Variants in SV2C observed in about 807,000 individuals in gnomAD.
The protein encoded by SV2C is solute carrier family 22 member B3.
Under a neutral mutation model 79.7 loss-of-function variants are expected in SV2C, and 49 were observed. The ratio of observed to expected loss-of-function variants is 0.61; its 90% CI spans 0.49 to 0.78. The LOEUF is 0.78. SV2C is among the 30% of genes least tolerant of loss of function. The pLI, the probability that SV2C is intolerant of heterozygous loss-of-function variation, is 0.00. For synonymous variants in SV2C, 334 were observed against 333.2 expected (o/e 1.00, Z -0.03); for missense variants, 833 against 912.9 (o/e 0.91, Z 1.13).
chr5:76,063,947 C>A, the SV2C span, among the ~76,000 whole-genome samples: 1 of 152,008 alleles, frequency 6.6e-6, no homozygotes, highest in Non-Finnish European at 1.5e-5. Context: ...CAGATGTACC[C>A]TGGATGCCTA....
chr5:76,202,188 G>GT (rs35329167), intron 3 of SV2C, among the ~76,000 whole-genome samples: 25,030 of 151,954 alleles, frequency 0.16, 2,209 homozygotes, highest in Non-Finnish European at 0.19. Flanking sequence ...GAAAAATGCA[G>GT]TCATTTAAAA....
chr5:76,227,297 G>C (rs906714951), intron 4 of SV2C, among the ~76,000 whole-genome samples: 1 of 152,192 alleles, frequency 6.6e-6, no homozygotes, highest in Admixed American at 6.5e-5. Context: ...TATGTGGTCT[G>C]TGCTCGAGGA....
At chr5:76,054,404 T>G in the SV2C span, among the ~76,000 whole-genome samples, 4 of 152,226 alleles carry the variant, frequency 2.6e-5, no homozygotes, top group Admixed American at 1.3e-4. Flanking sequence ...TGATGGGCAT[T>G]TGAGTTGTTT....
At chr5:76,199,250 C>T (rs1397378836) in intron 3 of SV2C, among the ~76,000 whole-genome samples, 3 of 152,132 alleles carry the variant, frequency 2.0e-5, no homozygotes, top group African/African-American at 7.2e-5. Context: ...AAACAACTCC[C>T]TCCAACCATA....
intron 4 of SV2C, among the ~76,000 whole-genome samples, chr5:76,265,065 C>T (rs1746608067): frequency 6.6e-6 from 1 of 152,208 alleles, no homozygotes; most frequent in East Asian, 1.9e-4. Flanking sequence ...TGCCCTTTCC[C>T]CCAGGTGCTC....
intron 4 of SV2C, among the ~76,000 whole-genome samples, chr5:76,212,433 G>A (rs1744792053): frequency 6.6e-6 from 1 of 151,802 alleles, no homozygotes; most frequent in Non-Finnish European, 1.5e-5. Flanking sequence ...TTATACAGCA[G>A]CTGAAGTGCT....
At chr5:76,223,475 ATATATATATATATATATATATGTATATG>A in intron 4 of SV2C, among the ~76,000 whole-genome samples, 1 of 71,146 alleles carries the variant, frequency 1.4e-5, no homozygotes, top group African/African-American at 1.2e-4. Context: ...ATATATATAT[ATATATATATATATATATATATGTATATG>A]TATATAAAGA....
chr5:76,294,741 G>A (rs1253095387), intron 8 of SV2C, among the ~76,000 whole-genome samples: 1 of 152,162 alleles, frequency 6.6e-6, no homozygotes, highest in African/African-American at 2.4e-5. Flanking sequence ...GGCACACGTG[G>A]TTAGTGGCTT....
the SV2C span, among the ~76,000 whole-genome samples, chr5:75,847,527 C>T: frequency 0.035 from 5,406 of 152,298 alleles, 280 homozygotes; most frequent in African/African-American, 0.11. Context: ...GGAATATCTA[C>T]TGTTGGTGTT....
At chr5:75,885,235 A>G in the SV2C span, among the ~76,000 whole-genome samples, 3 of 152,260 alleles carry the variant, frequency 2.0e-5, no homozygotes, top group South Asian at 4.1e-4. Flanking sequence ...CTGATGGGAC[A>G]TTTATCAATT....
chr5:76,299,279 G>A (rs759560598), intron 10 of SV2C, among the ~76,000 whole-genome samples: 5 of 152,116 alleles, frequency 3.3e-5, no homozygotes, highest in Non-Finnish European at 1.5e-5. Flanking sequence ...AGCCAACAGA[G>A]ATAGACAACA....
the SV2C span, among the ~76,000 whole-genome samples, chr5:75,973,091 C>A: frequency 6.6e-6 from 1 of 151,922 alleles, no homozygotes; most frequent in Non-Finnish European, 1.5e-5. Context: ...AAACCAAACA[C>A]TACATGTTCT....
At chr5:76,253,678 T>A (rs1455400160) in intron 4 of SV2C, among the ~76,000 whole-genome samples, 3 of 145,200 alleles carry the variant, frequency 2.1e-5, no homozygotes, top group African/African-American at 7.7e-5. Context: ...GACAGTTCTA[T>A]TCCCTTCCCC....
At chr5:75,857,162 T>C in the SV2C span, among the ~76,000 whole-genome samples, 1 of 152,040 alleles carries the variant, frequency 6.6e-6, no homozygotes, top group Admixed American at 6.6e-5. Flanking sequence ...TTTCACCGTG[T>C]TAGCCAGGAT....
At chr5:76,146,976 G>C (rs1749455883) in intron 2 of SV2C, among the ~76,000 whole-genome samples, 1 of 152,014 alleles carries the variant, frequency 6.6e-6, no homozygotes, top group Non-Finnish European at 1.5e-5. Context: ...GAATTATCTA[G>C]AATAGGCAAA....
rs760332861 is a variant in SV2C at position 76,295,905 on chromosome 5, A to C, written c.1465A>C (p.Asn489His). The C allele has an allele frequency of 8.1e-6, 13 of 1,612,122 alleles. No homozygotes were observed. The South Asian group carries it at 1.4e-4, about 18-fold the overall frequency. ...TTTCACTATTAACTTTACAATGGAA[A>C]ATCAGATTCATACTGGAATGGAATA... Reference protein sequence around the residue: ...ANFTINFTMENQIHTGMEYDN... With the variant: ...ANFTINFTMEHQIHTGMEYDN... Residue 489 changes from asparagine (N) to histidine (H), a missense_variant, in exon 9 of 13, where the codon AAT becomes CAT. Physicochemically the swap from Asn to His is moderately conservative, Grantham distance 68. Transcript: ENST00000502798.
intron 4 of SV2C, among the ~76,000 whole-genome samples, chr5:76,218,080 T>G (rs1744955665): frequency 6.6e-6 from 1 of 152,124 alleles, no homozygotes; most frequent in Admixed American, 6.5e-5. Flanking sequence ...GTCAGTGCAA[T>G]TGTTAACAGC....
chr5:75,905,867 C>T, the SV2C span, among the ~76,000 whole-genome samples: 3 of 150,840 alleles, frequency 2.0e-5, no homozygotes, highest in Admixed American at 2.0e-4. Flanking sequence ...TCACTTGGAA[C>T]CTCAGAATGT....
intron 1 of SV2C, among the ~76,000 whole-genome samples, chr5:76,104,159 T>C (rs914954228): frequency 6.6e-6 from 1 of 152,202 alleles, no homozygotes; most frequent in Non-Finnish European, 1.5e-5. Flanking sequence ...GGTAGCACTA[T>C]GAGCATTTTG....
Sources: allele counts gnomAD v4.1 joint callset (sites outside exome capture counted in the v4.1 genomes callset), GRCh38; gene constraint gnomAD v4.1.1; transcripts MANE v1.5; gene names NCBI Gene and HGNC (gene_info 2026-07-23, HGNC 2026-07-21).